PPP2R5C: variants seen among roughly 807,000 people sequenced by gnomAD.
The protein encoded by PPP2R5C is protein phosphatase 2 regulatory subunit B'gamma.
A neutral mutation model predicts 68.9 loss-of-function variants in PPP2R5C; 7 were observed. The observed-to-expected ratio is 0.10, with a 90% CI of 0.06 to 0.19. PPP2R5C has a LOEUF of 0.19. PPP2R5C is among the 10% of genes least tolerant of loss of function. The pLI is 1.00. For synonymous variants in PPP2R5C, 210 were observed against 222.2 expected (o/e 0.95, Z 0.49); for missense variants, 348 against 641.3 (o/e 0.54, Z 4.94).
chr14:101,911,142 G>T (rs1412122087), intron 11 of PPP2R5C, among the ~76,000 whole-genome samples: 1 of 151,910 alleles, frequency 6.6e-6, no homozygotes. Flanking sequence ...GCCGGGTGTG[G>T]TGGCGGGTGC....
At chr14:101,848,331 G>C (rs2041960827) in intron 1 of PPP2R5C, among the ~76,000 whole-genome samples, 3 of 152,076 alleles carry the variant, frequency 2.0e-5, no homozygotes, top group Admixed American at 2.0e-4. Context: ...AGGGGTTCGA[G>C]ACCAGCCTGG....
chr14:101,770,571 G>C (rs1376528875), intron 2 of PPP2R5C, among the ~76,000 whole-genome samples: 6 of 152,214 alleles, frequency 3.9e-5, no homozygotes, highest in Admixed American at 3.9e-4. Flanking sequence ...AAATTATGGA[G>C]TTCCAGAAAG....
rs1019462400 is a variant in PPP2R5C at position 101,891,573 on chromosome 14, T to A, written c.689+1277T>A. Among the ~76,000 whole-genome samples, 1 of 152,134 alleles carries A rather than the reference T, an allele frequency of 6.6e-6. No homozygotes were observed. Among genetic ancestry groups the A allele is most frequent in the Non-Finnish European group, 1.5e-5 (1 of 68,012 alleles). ...GACCGGAGCGCTGTATGACATGTGT[T>A]CCACAGCCCGCCATGCCGTGTGCGT... On this transcript the variant is annotated intron_variant, in intron 6 of 13. Transcript: ENST00000334743. The surrounding 1 kb of genome is among the most constrained non-coding windows in gnomAD (Gnocchi z 4.9).
At chr14:101,927,933 A>G (rs1425004050) in exon 14 of PPP2R5C, 2 of 152,232 alleles carry the variant, frequency 1.3e-5, no homozygotes, top group Non-Finnish European at 2.9e-5. Context: ...AAAACTCTAA[A>G]AAACGGTGTA....
Position 101,906,500 on chromosome 14 carries a change from G to C in PPP2R5C, c.1122G>C (p.Leu374Phe). 1 of 1,613,060 alleles carries C rather than the reference G, an allele frequency of 6.2e-7. No homozygotes were observed. Among genetic ancestry groups the C allele is most frequent in the Non-Finnish European group, 8.5e-7 (1 of 1,179,724 alleles). The change falls in exon 10 of 14, where the codon TTG becomes TTC. Residue 374 changes from leucine to phenylalanine, a missense_variant. This residue lies in a region of PPP2R5C where 101 missense variants were observed against 209.8 expected (regional missense o/e 0.48). Coordinates refer to ENST00000334743, the Ensembl canonical transcript of PPP2R5C. This position sits in a 1 kb window ranked among gnomAD's most constrained non-coding sequence, Gnocchi z 4.0. ...TTCTGCCCATCATGTTTCCTTCCTT[G>C]TACCGCAACTCAAAGACCCATTGGA... is the stretch of plus-strand genomic sequence containing the variant.
rs11325673 is a variant in PPP2R5C at position 101,924,445 on chromosome 14, C to CTTTTTTTTTTTTTT, written c.1444-684_1444-683insTTTTTTTTTTTTTT. On this transcript the variant is annotated intron_variant, in intron 13 of 13. Transcript: ENST00000334743. Reference sequence around the variant, plus strand: ...TTTACCTCCAAGGAAATTTCTACATCTTTTTTTTTTTTGAGATGGAGTCTG... The same window carrying CTTTTTTTTTTTTTT: ...TTTACCTCCAAGGAAATTTCTACATCTTTTTTTTTTTTTTTTTTTTTTTTTTGAGATGGAGTCTG... 2.7e-3 allele frequency among the ~76,000 whole-genome samples: 229 copies of CTTTTTTTTTTTTTT among 84,444 alleles called. 47 individuals are homozygous for CTTTTTTTTTTTTTT. The highest frequency in any genetic ancestry group is 7.2e-3 in the African/African-American group (165 of 23,022). The allele number at this position is 84,444 out of a possible 152,430, so 55.4% of individuals were successfully genotyped here. A position where few individuals can be genotyped will look rare whatever the true frequency, so the allele number is the denominator to read the frequency against.
At chr14:101,859,695 A>G (rs1421509500) in intron 2 of PPP2R5C, among the ~76,000 whole-genome samples, 1 of 152,190 alleles carries the variant, frequency 6.6e-6, no homozygotes, top group East Asian at 1.9e-4. Context: ...CAACCAGTAC[A>G]AGGCCTCTGT....
chr14:101,808,643 C>A (rs1408460809), upstream of PPP2R5C, among the ~76,000 whole-genome samples: 1 of 152,278 alleles, frequency 6.6e-6, no homozygotes, highest in African/African-American at 2.4e-5. Context: ...TCAGGTGTTT[C>A]TTACTCTACT....
intron 3 of PPP2R5C, among the ~76,000 whole-genome samples, chr14:101,801,071 G>A (rs2038842998): frequency 6.6e-6 from 1 of 152,170 alleles, no homozygotes; most frequent in South Asian, 2.1e-4. Flanking sequence ...AGGCTGGGAA[G>A]GGAAGATAGG....
intron 3 of PPP2R5C, among the ~76,000 whole-genome samples, chr14:101,792,224 C>T (rs2038393144): frequency 6.6e-6 from 1 of 152,180 alleles, no homozygotes. Context: ...AGAAGTGATG[C>T]TAAATTTTCA....
chr14:101,883,164 T>C, intron 3 of PPP2R5C, 93 bp from the exon 6 acceptor site: 3 of 870,020 alleles, frequency 3.4e-6, no homozygotes, highest in Non-Finnish European at 1.7e-6. Flanking sequence ...AGGCTAATAT[T>C]TGCATACCAA....
intron 2 of PPP2R5C, chr14:101,766,735 G>A (rs774197785): frequency 3.3e-5 from 5 of 152,176 alleles, no homozygotes; most frequent in South Asian, 2.1e-4. Context: ...GGCAAAAAAC[G>A]GGCTCATGGG....
chr14:101,920,137 T>G (rs1050320925), intron 13 of PPP2R5C, among the ~76,000 whole-genome samples: 8 of 152,206 alleles, frequency 5.3e-5, no homozygotes, highest in African/African-American at 1.7e-4. Context: ...TATTTGCAAT[T>G]TAGGTCCTGC....
chr14:101,812,081 C>T (rs548019867), intron 1 of PPP2R5C, among the ~76,000 whole-genome samples: 1 of 152,132 alleles, frequency 6.6e-6, no homozygotes, highest in Non-Finnish European at 1.5e-5. Flanking sequence ...ATTTGAAGAA[C>T]GCTTGATTTA....
At chr14:101,905,178 AC>A (rs1488679218) in intron 9 of PPP2R5C, among the ~76,000 whole-genome samples, 1 of 151,978 alleles carries the variant, frequency 6.6e-6, no homozygotes, top group African/African-American at 2.4e-5. Context: ...ACATGGTGAA[AC>A]CCCGTCTCTA....
At chr14:101,841,064 C>T (rs1472805001) in intron 1 of PPP2R5C, among the ~76,000 whole-genome samples, 1 of 152,196 alleles carries the variant, frequency 6.6e-6, no homozygotes, top group East Asian at 1.9e-4. Flanking sequence ...TTTTTCTAAG[C>T]ACTGTACATC....
intron 11 of PPP2R5C, among the ~76,000 whole-genome samples, chr14:101,910,224 C>A (rs775906815): frequency 5.9e-5 from 9 of 152,172 alleles, no homozygotes; most frequent in African/African-American, 2.2e-4. Context: ...CAAAGTACTT[C>A]GTCCCTAGGC....
At chr14:101,860,033 G>A (rs890185954) in intron 2 of PPP2R5C, among the ~76,000 whole-genome samples, 5 of 151,590 alleles carry the variant, frequency 3.3e-5, no homozygotes, top group Non-Finnish European at 7.4e-5. Flanking sequence ...CAGATCTACT[G>A]AGGTATTATT....
At chr14:101,836,245 G>A (rs925538025) in intron 1 of PPP2R5C, 35 of 702,676 alleles carry the variant, frequency 5.0e-5, no homozygotes, top group Non-Finnish European at 7.0e-5. Flanking sequence ...GGCCGCCTAC[G>A]GAGCAGCAGG....
Sources: gnomAD v4.1 joint callset for allele counts (sites outside exome capture counted in the v4.1 genomes callset) on GRCh38, gnomAD v4.1.1 for gene constraint, gnomAD v4.1.1 regional missense constraint, Gnocchi (gnomAD v3.1) non-coding constraint, MANE v1.5 for transcripts, NCBI Gene and HGNC (gene_info 2026-07-23, HGNC 2026-07-21) for gene names.